THRAP3: variants seen among roughly 807,000 people sequenced by gnomAD.
The protein encoded by THRAP3 is thyroid hormone receptor associated protein 3.
A neutral mutation model predicts 101.0 loss-of-function variants in THRAP3; 16 were observed. The observed-to-expected ratio is 0.16, with a 90% confidence interval of 0.11 to 0.24. The LOEUF (loss-of-function observed/expected upper bound fraction) is 0.24. Ranked by LOEUF, THRAP3 falls within the 10% of genes least tolerant of loss-of-function variation. The pLI, the probability that THRAP3 is intolerant of heterozygous loss-of-function variation, is 1.00. For missense variants in THRAP3, 989 were observed against 1,202.7 expected (o/e 0.82, Z 2.63); for synonymous variants, 407 against 422.6 (o/e 0.96, Z 0.45).
chr1:36,231,244 C>T (rs751830590), intron 1 of THRAP3, among the ~76,000 whole-genome samples: 1 of 151,978 alleles, frequency 6.6e-6, no homozygotes, highest in Non-Finnish European at 1.5e-5. Context: ...GGAGTTGAAG[C>T]AATGCAGGGG....
At chr1:36,254,334 T>G (rs1023991198) in intron 1 of THRAP3, among the ~76,000 whole-genome samples, 1 of 152,228 alleles carries the variant, frequency 6.6e-6, no homozygotes, top group African/African-American at 2.4e-5. Context: ...GTTATATTCT[T>G]GGCATATCTG....
At chr1:36,247,646 G>C (rs1032087445) in intron 1 of THRAP3, among the ~76,000 whole-genome samples, 2 of 152,048 alleles carry the variant, frequency 1.3e-5, no homozygotes, top group Non-Finnish European at 2.9e-5. Flanking sequence ...ACTTTTAATT[G>C]TCAAGTATGA....
chr1:36,220,774 C>T (rs946229796), upstream of THRAP3, among the ~76,000 whole-genome samples: 4 of 151,092 alleles, frequency 2.6e-5, no homozygotes, highest in Admixed American at 1.3e-4. Context: ...ACTAACATGG[C>T]GAAAACCTGT....
chr1:36,255,995 G>A (rs1046548678), intron 1 of THRAP3, among the ~76,000 whole-genome samples: 4 of 151,664 alleles, frequency 2.6e-5, no homozygotes, highest in Non-Finnish European at 5.9e-5. Context: ...AGGCACTGTT[G>A]TCCTTTATCT....
At chr1:36,271,395 G>A (rs754332118) in intron 2 of THRAP3, among the ~76,000 whole-genome samples, 5 of 152,006 alleles carry the variant, frequency 3.3e-5, no homozygotes, top group South Asian at 2.1e-4. Context: ...CGATTCTCCC[G>A]CCTCAGCTTC....
At chr1:36,276,222 A>G (rs1308488453) in intron 2 of THRAP3, among the ~76,000 whole-genome samples, 1 of 151,694 alleles carries the variant, frequency 6.6e-6, no homozygotes, top group African/African-American at 2.4e-5. Context: ...CAGAGTAAAA[A>G]AAAAAAAAAA....
chr1:36,281,024 C>T (rs1239817681), intron 2 of THRAP3, among the ~76,000 whole-genome samples: 1 of 148,968 alleles, frequency 6.7e-6, no homozygotes, highest in South Asian at 2.1e-4. Context: ...CTCCTGGGTT[C>T]GAGAGATTCT....
intron 1 of THRAP3, among the ~76,000 whole-genome samples, chr1:36,248,861 C>A (rs2124442526): frequency 6.6e-6 from 1 of 151,842 alleles, no homozygotes; most frequent in East Asian, 1.9e-4. Flanking sequence ...GGAGGAGATA[C>A]AAGATAAATA....
chr1:36,251,053 C>G (rs1261409584), intron 1 of THRAP3, among the ~76,000 whole-genome samples: 3 of 151,996 alleles, frequency 2.0e-5, no homozygotes, highest in Admixed American at 1.3e-4. Flanking sequence ...CCTGAATGTT[C>G]TTAATGTCAC....
intron 1 of THRAP3, among the ~76,000 whole-genome samples, chr1:36,225,712 T>C (rs1052827750): frequency 1.3e-5 from 2 of 152,252 alleles, no homozygotes; most frequent in African/African-American, 4.8e-5. Context: ...GTGTGTATTA[T>C]GATTTAGAAG....
chr1:36,213,484 T>TGGCA, the THRAP3 span, among the ~76,000 whole-genome samples: 1 of 147,822 alleles, frequency 6.8e-6, no homozygotes, highest in East Asian at 2.7e-4. Context: ...TGATGTAATA[T>TGGCA]GGCAGATAAG....
At chr1:36,273,630 A>G (rs1051817996) in intron 2 of THRAP3, among the ~76,000 whole-genome samples, 47 of 152,240 alleles carry the variant, frequency 3.1e-4, no homozygotes, top group African/African-American at 1.1e-3. Context: ...TTGGTGAAGA[A>G]GTAAAATCAT....
chr1:36,236,255 GGGC>G (rs1167848072), intron 1 of THRAP3, among the ~76,000 whole-genome samples: 1 of 9,318 alleles, frequency 1.1e-4, no homozygotes, highest in African/African-American at 1.3e-4. Context: ...ATGACAGACT[GGGC>G]GCAAAAACCA....
chr1:36,255,135 T>C (rs1645356513), intron 1 of THRAP3, among the ~76,000 whole-genome samples: 1 of 152,216 alleles, frequency 6.6e-6, no homozygotes, highest in African/African-American at 2.4e-5. Context: ...TGTTATTCAT[T>C]AGATACTTTG....
intron 6 of THRAP3, among the ~76,000 whole-genome samples, 180 bp from the exon 7 acceptor site, chr1:36,292,418 C>T (rs937184165): frequency 4.6e-5 from 7 of 151,084 alleles, no homozygotes; most frequent in Non-Finnish European, 8.9e-5. Flanking sequence ...ACTACAGGCG[C>T]CCGCCACCAT....
chr1:36,290,024 C>T (rs1570335129), intron 5 of THRAP3, among the ~76,000 whole-genome samples: 1 of 152,290 alleles, frequency 6.6e-6, no homozygotes, highest in East Asian at 1.9e-4. Context: ...TCACTGCACC[C>T]CCAAGTCCAA....
Position 36,225,797 on chromosome 1 carries a change from G to T in THRAP3, c.-135+1292G>T, listed in dbSNP as rs149100732. Among the ~76,000 whole-genome samples the T allele has an allele frequency of 1.2e-3, 188 of 152,272 alleles. 1 individual carries two copies. Among genetic ancestry groups the T allele is most frequent in the African/African-American group, 4.0e-3 (166 of 41,544 alleles). On this transcript the variant is annotated intron_variant, in intron 1 of 11. Transcript: ENST00000354618. ...AATCGGGCTCAGTTTGTTCTTTGCCGGGAGATGTATTTTGTGAGCCAATGT... is the reference window on the plus strand; with the variant it reads ...AATCGGGCTCAGTTTGTTCTTTGCCTGGAGATGTATTTTGTGAGCCAATGT...
chr1:36,261,807 C>G (rs1645449559), intron 2 of THRAP3, among the ~76,000 whole-genome samples: 1 of 152,132 alleles, frequency 6.6e-6, no homozygotes, highest in Admixed American at 6.6e-5. Context: ...GGTAGTAGAT[C>G]TTTAAATCAT....
At chr1:36,235,569 C>A (rs1340858312) in intron 1 of THRAP3, among the ~76,000 whole-genome samples, 4 of 151,946 alleles carry the variant, frequency 2.6e-5, no homozygotes, top group South Asian at 2.1e-4. Context: ...AATTGAGATA[C>A]CATTTTCTTC....
Sources: allele counts gnomAD v4.1 joint callset (sites outside exome capture counted in the v4.1 genomes callset), GRCh38; gene constraint gnomAD v4.1.1; transcripts MANE v1.5; gene names NCBI Gene and HGNC (gene_info 2026-07-23, HGNC 2026-07-21).